Variants in FBXL2 observed in about 807,000 individuals in gnomAD.
FBXL2 encodes the protein F-box/LRR-repeat protein 2.
In FBXL2, 38 loss-of-function variants were observed where a neutral mutation model predicts 69.2. That is an observed-to-expected ratio of 0.55 (90% CI 0.42 to 0.72). The LOEUF (loss-of-function observed/expected upper bound fraction) is 0.72. Ranked by LOEUF, FBXL2 falls within the 30% of genes least tolerant of loss-of-function variation. FBXL2 has a pLI of 0.00. For synonymous variants in FBXL2, 192 were observed against 201.3 expected, an observed-to-expected ratio of 0.95 and a Z score of 0.39; for missense variants, 354 against 520.3, an observed-to-expected ratio of 0.68 and a Z score of 3.11.
intron 12 of FBXL2, chr3:33,400,292 A>G (rs2044174699): frequency 6.3e-7 from 1 of 1,583,400 alleles, no homozygotes; most frequent in Non-Finnish European, 8.6e-7. Context: ...GCTATTAACA[A>G]TGAAAATGAA....
chr3:33,388,210 AG>A (rs2043592227), downstream of FBXL2: 2 of 152,410 alleles, frequency 1.3e-5, no homozygotes, highest in African/African-American at 4.8e-5. Context: ...TAAACTGAAA[AG>A]GAAAAAACTA....
the FBXL2 span, among the ~76,000 whole-genome samples, chr3:33,418,893 A>T: frequency 6.6e-6 from 1 of 151,844 alleles, no homozygotes; most frequent in Non-Finnish European, 1.5e-5. Flanking sequence ...AATTGCTAAC[A>T]AATGTCCAGT....
chr3:33,386,931 AG>A lies in FBXL2; in HGVS notation c.*1324del, dbSNP rs2043478846. On this transcript the variant is annotated 3_prime_UTR_variant, in exon 15 of 15. Transcript: ENST00000484457. ...AGAAACTTAAAAGTGAAACGGCAAAAGCAAGATGTGTTCCCATGACTACCAA... is the reference window on the plus strand; with the variant it reads ...AGAAACTTAAAAGTGAAACGGCAAAACAAGATGTGTTCCCATGACTACCAA... The A allele has an allele frequency of 6.6e-6, 1 of 152,216 alleles. No homozygotes were observed. The highest frequency in any genetic ancestry group is 1.5e-5 in the Non-Finnish European group (1 of 68,032). The allele number at this position is 152,216 out of a possible 1,614,324, so 9.4% of individuals were successfully genotyped here.
the FBXL2 span, among the ~76,000 whole-genome samples, chr3:33,418,074 C>T: frequency 1.3e-5 from 2 of 151,996 alleles, no homozygotes; most frequent in African/African-American, 4.8e-5. Context: ...GATATATGCA[C>T]TATATTTAAC....
chr3:33,409,438 C>T, the FBXL2 span: 1 of 1,614,058 alleles, frequency 6.2e-7, no homozygotes, highest in Non-Finnish European at 8.5e-7. Context: ...AACCCGGGTT[C>T]TCTGTCTTAC....
intron 5 of FBXL2, 87 bp from the exon 6 acceptor site, chr3:33,373,005 C>A: frequency 1.8e-6 from 2 of 1,089,994 alleles, no homozygotes; most frequent in East Asian, 2.4e-5. Context: ...TTTGAGGGAG[C>A]GCTGTTCTAA....
At chr3:33,412,426 A>C in the FBXL2 span, among the ~76,000 whole-genome samples, 2 of 151,808 alleles carry the variant, frequency 1.3e-5, no homozygotes, top group Non-Finnish European at 2.9e-5. Context: ...CTCTCAAGAC[A>C]CAAGATCCTA....
the FBXL2 span, among the ~76,000 whole-genome samples, chr3:33,413,589 C>CTGGCATAA: frequency 6.8e-6 from 1 of 146,870 alleles, no homozygotes; most frequent in African/African-American, 2.5e-5. Flanking sequence ...AAAAAAAGAA[C>CTGGCATAA]TGGCATAAAA....
At position 33,369,498 on chromosome 3, in the gene FBXL2, T is replaced by C. The variant is rs9866197; in HGVS notation, c.291-3594T>C. Among the ~76,000 whole-genome samples, 883 of 152,322 alleles carry C rather than the reference T, an allele frequency of 5.8e-3. 10 individuals are homozygous for C. Among genetic ancestry groups the C allele is most frequent in the African/African-American group, 0.02 (851 of 41,568 alleles). ...ACCTTCATATTGTATTACATAACAC[T>C]TCCACTTCTCCTCACTCGGTTGTCA... On this transcript the variant is annotated intron_variant, in intron 5 of 14. Coordinates refer to ENST00000484457, the MANE Select transcript of FBXL2 (RefSeq NM_012157.5).
chr3:33,395,945 T>C (rs543502622), intron 12 of FBXL2, among the ~76,000 whole-genome samples: 15 of 151,472 alleles, frequency 9.9e-5, no homozygotes, highest in South Asian at 4.2e-4. Context: ...AACAGACCCA[T>C]AGTGTGGCTG....
At chr3:33,277,172 A>T, upstream of FBXL2, 1 of 285,756 alleles carries the variant, frequency 3.5e-6, no homozygotes, top group Non-Finnish European at 6.1e-6. Context: ...CATTACCTGT[A>T]TAACGTTTTT....
chr3:33,371,622 A>G (rs1227748706), intron 5 of FBXL2, among the ~76,000 whole-genome samples: 1 of 152,148 alleles, frequency 6.6e-6, no homozygotes, highest in Non-Finnish European at 1.5e-5. Flanking sequence ...GTCAGTTTAG[A>G]GTAGGTTTTG....
At chr3:33,335,658 C>A (rs1275316453) in intron 2 of FBXL2, among the ~76,000 whole-genome samples, 2 of 152,070 alleles carry the variant, frequency 1.3e-5, no homozygotes, top group African/African-American at 2.4e-5. Context: ...TCATGTAGAA[C>A]AACCATAAAA....
At chr3:33,412,860 A>G in the FBXL2 span, 1 of 1,411,508 alleles carries the variant, frequency 7.1e-7, no homozygotes, top group Non-Finnish European at 1.0e-6. Flanking sequence ...GAGTACTTTT[A>G]AACTGCTCCA....
intron 12 of FBXL2, among the ~76,000 whole-genome samples, chr3:33,395,760 AAAAAAAAAAAAAAG>A (rs2043959364): frequency 2.6e-5 from 4 of 151,046 alleles, no homozygotes; most frequent in Admixed American, 2.0e-4. Flanking sequence ...GAAAAAAAAA[AAAAAAAAAAAAAAG>A]AAAAAGGAAA....
chr3:33,281,821 T>C (rs77223104), intron 1 of FBXL2, among the ~76,000 whole-genome samples: 64,248 of 150,976 alleles, frequency 0.43, 15,636 homozygotes, highest in African/African-American at 0.63. Context: ...TTTCATGTGT[T>C]TTTTGGCTGC....
chr3:33,381,063 T>C (rs769266973), intron 13 of FBXL2, among the ~76,000 whole-genome samples: 45 of 152,308 alleles, frequency 3.0e-4, no homozygotes, highest in South Asian at 6.2e-4. Flanking sequence ...GTGTGAACCA[T>C]GTTGGCAGCG....
At chr3:33,289,232 C>T (rs542885473) in intron 1 of FBXL2, among the ~76,000 whole-genome samples, 1 of 152,214 alleles carries the variant, frequency 6.6e-6, no homozygotes, top group South Asian at 2.1e-4. Flanking sequence ...GCATAAAGAG[C>T]CCTGGAGTTG....
exon 13 of FBXL2, chr3:33,403,584 G>GTCTGTCTA (rs60697427): frequency 1.3e-5 from 2 of 148,878 alleles, no homozygotes; most frequent in African/African-American, 5.0e-5. Context: ...CTGTCTGTCT[G>GTCTGTCTA]TCTATCTATC....
Sources: gnomAD v4.1 joint callset for allele counts (sites outside exome capture counted in the v4.1 genomes callset) on GRCh38, gnomAD v4.1.1 for gene constraint, MANE v1.5 for transcripts, NCBI Gene and HGNC (gene_info 2026-07-23, HGNC 2026-07-21) for gene names.